TNR: variants seen among roughly 807,000 people sequenced by gnomAD.
TNR encodes the protein tenascin-R.
TNR carries 45 observed loss-of-function variants against 150.4 expected under a neutral mutation model. The observed-to-expected ratio is 0.30, with a 90% CI of 0.24 to 0.38. The LOEUF (loss-of-function observed/expected upper bound fraction) is 0.38, where lower values mean the gene tolerates loss of function less well. Ranked by LOEUF, TNR falls within the 10% of genes least tolerant of loss-of-function variation. The pLI is 1.00. For missense variants in TNR, 1,544 were observed against 1,759.1 expected (o/e 0.88, Z 2.19); for synonymous variants, 687 against 678.4 (o/e 1.01, Z -0.20).
chr1:175,393,960 T>G, intron 5 of TNR, 65 bp from the exon 6 acceptor site: 1 of 1,300,542 alleles, frequency 7.7e-7, no homozygotes, highest in East Asian at 2.3e-5. Context: ...CATTGCCTGG[T>G]GCTTTGTCTT....
intron 8 of TNR, among the ~76,000 whole-genome samples, chr1:175,381,096 G>T (rs555261322): frequency 6.6e-6 from 1 of 152,316 alleles, no homozygotes; most frequent in East Asian, 1.9e-4. Context: ...ACTTTAGCTT[G>T]CCAGATACTA....
chr1:175,555,566 C>G (rs752220239), intron 1 of TNR, among the ~76,000 whole-genome samples: 1 of 112,940 alleles, frequency 8.9e-6, no homozygotes, highest in Non-Finnish European at 2.1e-5. Flanking sequence ...GATGAAGACA[C>G]TTACAAGATG....
At chr1:175,613,244 CT>C (rs1172848539) in intron 1 of TNR, among the ~76,000 whole-genome samples, 2 of 152,270 alleles carry the variant, frequency 1.3e-5, no homozygotes, top group East Asian at 3.9e-4. Context: ...TTCTGAGTCT[CT>C]GTAGCTAGGT....
At chr1:175,730,281 C>A (rs1667603067) in intron 1 of TNR, among the ~76,000 whole-genome samples, 1 of 152,246 alleles carries the variant, frequency 6.6e-6, no homozygotes, top group African/African-American at 2.4e-5. Flanking sequence ...ACTTAACCTG[C>A]AACCCACCTG....
chr1:175,454,661 G>A (rs1051954630), intron 2 of TNR, among the ~76,000 whole-genome samples: 1 of 152,022 alleles, frequency 6.6e-6, no homozygotes, highest in Non-Finnish European at 1.5e-5. Flanking sequence ...TAGTAGAGAC[G>A]GGGTTTCACC....
chr1:175,598,670 T>C (rs1161510913), intron 1 of TNR, among the ~76,000 whole-genome samples: 1 of 152,184 alleles, frequency 6.6e-6, no homozygotes, highest in African/African-American at 2.4e-5. Context: ...TAGAGGTACA[T>C]TTAGGAGAAG....
At chr1:175,386,811 A>C (rs1234491488) in intron 7 of TNR, among the ~76,000 whole-genome samples, 1 of 152,252 alleles carries the variant, frequency 6.6e-6, no homozygotes, top group Non-Finnish European at 1.5e-5. Context: ...CTAACAGCAC[A>C]GTCAACACAG....
In TNR at chr1:175,436,947, C is replaced by T. The variant is rs575698404; in HGVS notation, c.-63-30170G>A. ...AATAATAATGGGAGACTTTAACACCCCATTGTCAACATTAGACAGATCAAC... is the reference window on the plus strand; with the variant it reads ...AATAATAATGGGAGACTTTAACACCTCATTGTCAACATTAGACAGATCAAC... On this transcript the variant is annotated intron_variant, in intron 2 of 22. Coordinates refer to ENST00000367674, the MANE Select transcript of TNR (RefSeq NM_003285.3). Among the ~76,000 whole-genome samples the T allele has an allele frequency of 3.3e-5, 5 of 152,204 alleles. No homozygotes were observed. In the East Asian group the frequency reaches 9.6e-4, roughly 29 times the overall value.
chr1:175,353,437 T>A (rs1651159758), intron 18 of TNR, among the ~76,000 whole-genome samples: 1 of 152,252 alleles, frequency 6.6e-6, no homozygotes, highest in Non-Finnish European at 1.5e-5. Flanking sequence ...GAATTTTTTT[T>A]ATCCTTTAGC....
chr1:175,705,081 G>A (rs1439390359), intron 1 of TNR, among the ~76,000 whole-genome samples: 1 of 152,148 alleles, frequency 6.6e-6, no homozygotes, highest in African/African-American at 2.4e-5. Context: ...GTGAGCGCCT[G>A]GTGTGAGCTC....
chr1:175,443,694 A>G (rs950427387), intron 2 of TNR, among the ~76,000 whole-genome samples: 1 of 152,092 alleles, frequency 6.6e-6, no homozygotes, highest in Non-Finnish European at 1.5e-5. Flanking sequence ...AGAAAGAGGG[A>G]GAATAGAGAG....
At chr1:175,365,354 T>G in intron 11 of TNR, 75 bp from the exon 12 acceptor site, 1 of 1,482,812 alleles carries the variant, frequency 6.7e-7, no homozygotes, top group Non-Finnish European at 9.0e-7. Flanking sequence ...ACTTCTTGGC[T>G]AAAGGGACCT....
chr1:175,705,049 T>A (rs1454911654), intron 1 of TNR, among the ~76,000 whole-genome samples: 1 of 152,134 alleles, frequency 6.6e-6, no homozygotes, highest in Non-Finnish European at 1.5e-5. Context: ...TCAGCTGGGC[T>A]AAGGGCAGGA....
intron 2 of TNR, among the ~76,000 whole-genome samples, chr1:175,493,953 T>G (rs1439379573): frequency 6.6e-6 from 1 of 152,012 alleles, no homozygotes; most frequent in Non-Finnish European, 1.5e-5. Flanking sequence ...AGCTGAGGGG[T>G]CCCTACAACC....
chr1:175,599,618 G>GC lies in TNR; in HGVS notation c.-164-71250dup, dbSNP rs1198480851. 6.6e-6 allele frequency among the ~76,000 whole-genome samples: 1 copy of GC among 152,130 alleles called. No individual in the cohort carries two copies. Among genetic ancestry groups the GC allele is most frequent in the Non-Finnish European group, 1.5e-5 (1 of 68,026 alleles). ...CCCGGAGGCAGCCCGGAGCAGCGTC[G>GC]CCCCAGCAGGCTTATGCGGACCTGG... On this transcript the variant is annotated intron_variant, in intron 1 of 22. Coordinates refer to ENST00000367674, the MANE Select transcript of TNR (RefSeq NM_003285.3). This position sits in a 1 kb window ranked among gnomAD's most constrained non-coding sequence, Gnocchi z 4.7.
intron 2 of TNR, among the ~76,000 whole-genome samples, chr1:175,468,906 G>A (rs1435744009): frequency 6.6e-6 from 1 of 152,054 alleles, no homozygotes; most frequent in African/African-American, 2.4e-5. Flanking sequence ...TGGGGAGGCT[G>A]GTACAGTAGT....
intron 4 of TNR, among the ~76,000 whole-genome samples, chr1:175,398,486 A>C (rs1466320867): frequency 6.6e-6 from 1 of 152,232 alleles, no homozygotes; most frequent in African/African-American, 2.4e-5. Flanking sequence ...CCTTTGGGAC[A>C]ACCTATATAA....
intron 2 of TNR, among the ~76,000 whole-genome samples, chr1:175,492,184 T>C (rs1658288722): frequency 6.6e-6 from 1 of 152,196 alleles, no homozygotes; most frequent in Admixed American, 6.5e-5. Context: ...TTCTTCAGTC[T>C]TTCCCCCCTC....
chr1:175,551,218 A>G (rs1265804524), intron 1 of TNR, among the ~76,000 whole-genome samples: 1 of 152,258 alleles, frequency 6.6e-6, no homozygotes, highest in Non-Finnish European at 1.5e-5. Context: ...ACTGGGTTCT[A>G]AAAGACAATG....
Sources: allele counts gnomAD v4.1 joint callset (sites outside exome capture counted in the v4.1 genomes callset), GRCh38; gene constraint gnomAD v4.1.1; non-coding constraint Gnocchi (gnomAD v3.1); transcripts MANE v1.5; gene names NCBI Gene and HGNC (gene_info 2026-07-23, HGNC 2026-07-21).